The following STK38L variants were observed in gnomAD, a reference collection of about 807,000 sequenced individuals.
STK38L encodes the protein serine/threonine kinase 38 like.
Under a neutral mutation model 59.7 loss-of-function variants are expected in STK38L, and 28 were observed. That is an observed-to-expected ratio of 0.47 (90% CI 0.35 to 0.64). STK38L has a LOEUF of 0.64. STK38L is among the 30% of genes least tolerant of loss of function. The pLI is 0.01. For synonymous variants in STK38L, 162 were observed against 176.8 expected, an observed-to-expected ratio of 0.92 and a Z score of 0.66; for missense variants, 314 against 555.8, an observed-to-expected ratio of 0.56 and a Z score of 4.37.
At chr12:27,266,235 C>T (rs894637391) in intron 1 of STK38L, among the ~76,000 whole-genome samples, 1 of 152,172 alleles carries the variant, frequency 6.6e-6, no homozygotes, top group Non-Finnish European at 1.5e-5. Flanking sequence ...AATAAATGTG[C>T]ATCTTTTCCT....
In STK38L at chr12:27,317,429, G is replaced by A; in HGVS notation, c.931G>A (p.Val311Met). Reference protein sequence around the residue: ...NKLCDWWSLGVIMYEMLIGYP... With the variant: ...NKLCDWWSLGMIMYEMLIGYP... Reference sequence around the variant, plus strand: ...ATTGTGTGACTGGTGGTCTTTGGGAGTGATTATGTATGAAATGCTAATAGG... The same window carrying A: ...ATTGTGTGACTGGTGGTCTTTGGGAATGATTATGTATGAAATGCTAATAGG... Residue 311 changes from valine to methionine, a missense_variant, in exon 10 of 14, where the codon GTG (valine) becomes ATG (methionine). Coordinates refer to ENST00000389032, the MANE Select transcript of STK38L (RefSeq NM_015000.4). The A allele has an allele frequency of 1.2e-6, 2 of 1,611,804 alleles. No individual in the cohort carries two copies.
intron 1 of STK38L, among the ~76,000 whole-genome samples, chr12:27,278,219 C>T (rs1048896099): frequency 1.3e-5 from 2 of 152,186 alleles, no homozygotes; most frequent in African/African-American, 4.8e-5. Context: ...ACCAACTTGA[C>T]ATAATCACTA....
At chr12:27,262,909 C>G (rs1943231607) in intron 1 of STK38L, among the ~76,000 whole-genome samples, 1 of 151,738 alleles carries the variant, frequency 6.6e-6, no homozygotes, top group Non-Finnish European at 1.5e-5. Flanking sequence ...AGCGATTCTC[C>G]CATCTCAGCT....
At chr12:27,261,964 A>G (rs143711222) in intron 1 of STK38L, among the ~76,000 whole-genome samples, 78 of 152,366 alleles carry the variant, frequency 5.1e-4, no homozygotes, top group African/African-American at 1.8e-3. Context: ...TATGCATGGC[A>G]TGTGGAAGCA....
rs185345024 is a variant in STK38L at position 27,298,769 on chromosome 12, G to C, written c.134+915G>C. Among the ~76,000 whole-genome samples, 60 of 152,272 alleles carry C rather than the reference G, an allele frequency of 3.9e-4. 1 individual carries two copies. The East Asian group carries it at 0.011, about 27-fold the overall frequency. On this transcript the variant is annotated intron_variant, in intron 2 of 13. Coordinates refer to ENST00000389032, the MANE Select transcript of STK38L (RefSeq NM_015000.4). ...AAGAGCAGGAGGGAAGGATATTAGA[G>C]ACAGAAGAAATCACCAGGTCAGGCA...
At chr12:27,270,885 A>G (rs1050070786) in intron 1 of STK38L, among the ~76,000 whole-genome samples, 6 of 152,304 alleles carry the variant, frequency 3.9e-5, no homozygotes, top group East Asian at 1.9e-4. Context: ...TGACCAAACT[A>G]TCTATGAATT....
chr12:27,276,819 C>T (rs1055226212), intron 1 of STK38L, among the ~76,000 whole-genome samples: 2 of 152,156 alleles, frequency 1.3e-5, no homozygotes, highest in South Asian at 2.1e-4. Flanking sequence ...CATATCTTTA[C>T]CAAGTCTCTC....
intron 3 of STK38L, among the ~76,000 whole-genome samples, chr12:27,303,411 C>A (rs988895151): frequency 7.9e-5 from 12 of 152,114 alleles, no homozygotes; most frequent in African/African-American, 2.9e-4. Context: ...GGAAATCTTC[C>A]TTAACCTCTC....
At chr12:27,288,482 C>T (rs2136631833) in intron 1 of STK38L, among the ~76,000 whole-genome samples, 1 of 152,108 alleles carries the variant, frequency 6.6e-6, no homozygotes. Flanking sequence ...ATAGATCCTT[C>T]TGGGTGCACT....
rs1180125501 is a variant in STK38L at position 27,323,868 on chromosome 12, G to A, written c.*1413G>A. ...TGAGGTTTTGGTTTCATTAGTAATA[G>A]TTGAGGAATAATATACTAGCAAAGA... On this transcript the variant is annotated 3_prime_UTR_variant, in exon 14 of 14. Transcript: ENST00000389032. 1 of 152,076 alleles carries A rather than the reference G, an allele frequency of 6.6e-6. No homozygotes were observed. The highest frequency in any genetic ancestry group is 1.5e-5 in the Non-Finnish European group (1 of 67,952). The allele number at this position is 152,076 out of a possible 1,614,324, so 9.4% of individuals were successfully genotyped here.
chr12:27,264,194 A>G (rs1943257313), intron 1 of STK38L, among the ~76,000 whole-genome samples: 1 of 152,214 alleles, frequency 6.6e-6, no homozygotes, highest in Admixed American at 6.5e-5. Context: ...TTTTGAGCCA[A>G]TGAATGACAT....
At chr12:27,310,360 C>T (rs151038975) in intron 5 of STK38L, among the ~76,000 whole-genome samples, 3 of 152,110 alleles carry the variant, frequency 2.0e-5, no homozygotes, top group Non-Finnish European at 4.4e-5. Context: ...GCAATAAGGA[C>T]GTGGGTAAAG....
chr12:27,320,034 T>C (rs1161617222), intron 12 of STK38L, among the ~76,000 whole-genome samples: 2 of 152,204 alleles, frequency 1.3e-5, no homozygotes, highest in Non-Finnish European at 1.5e-5. Flanking sequence ...CTGCAGGATA[T>C]GGCGATTGCC....
chr12:27,316,300 T>G (rs1261113304), intron 9 of STK38L, among the ~76,000 whole-genome samples: 2 of 152,238 alleles, frequency 1.3e-5, no homozygotes, highest in Non-Finnish European at 2.9e-5. Flanking sequence ...AATGTGTCCA[T>G]TTTAGATCAG....
intron 1 of STK38L, among the ~76,000 whole-genome samples, chr12:27,263,618 G>C (rs1030332358): frequency 6.6e-6 from 1 of 152,184 alleles, no homozygotes; most frequent in African/African-American, 2.4e-5. Context: ...CTTTAGGATG[G>C]AGCTTTGACT....
chr12:27,278,195 G>A (rs930169017), intron 1 of STK38L, among the ~76,000 whole-genome samples: 6 of 152,174 alleles, frequency 3.9e-5, no homozygotes, highest in African/African-American at 1.4e-4. Context: ...GTGTAGCCCA[G>A]CCTTGATTTA....
rs975421022 is a variant in STK38L, at chr12:27,308,987, G to T, written c.310-127G>T. 15 of 172,122 alleles carry T rather than the reference G, an allele frequency of 8.7e-5. No homozygotes were observed. The highest frequency in any genetic ancestry group is 8.0e-5 in the Non-Finnish European group (7 of 87,194). 10.7% of individuals were successfully genotyped at this position (172,122 alleles called of 1,614,324 possible). A position where few individuals can be genotyped will look rare whatever the true frequency, so the allele number is the denominator to read the frequency against. On this transcript the variant is annotated intron_variant, in intron 4 of 13. Transcript: ENST00000389032. This position sits in a 1 kb window ranked among gnomAD's most constrained non-coding sequence, Gnocchi z 4.5. The stretch of plus-strand genomic sequence containing the variant: ...AAATATATAGATATAAAAATATATA[G>T]ATATATATATATAAAATTCCTGAAA...
chr12:27,263,071 G>C (rs927035481), intron 1 of STK38L, among the ~76,000 whole-genome samples: 2 of 152,136 alleles, frequency 1.3e-5, no homozygotes, highest in East Asian at 3.9e-4. Flanking sequence ...GATTACAGGC[G>C]TAAGTCACTG....
At chr12:27,284,918 T>C (rs1489881413) in intron 1 of STK38L, among the ~76,000 whole-genome samples, 1 of 152,256 alleles carries the variant, frequency 6.6e-6, no homozygotes, top group Non-Finnish European at 1.5e-5. Context: ...TCAAGTGGTC[T>C]GTGTGTTTAA....
Sources: gnomAD v4.1 joint callset for allele counts (sites outside exome capture counted in the v4.1 genomes callset) on GRCh38, gnomAD v4.1.1 for gene constraint, Gnocchi (gnomAD v3.1) non-coding constraint, MANE v1.5 for transcripts, NCBI Gene and HGNC (gene_info 2026-07-23, HGNC 2026-07-21) for gene names.